Variants in CTNNA2 observed in about 807,000 individuals in gnomAD.
CTNNA2 encodes catenin alpha-2.
Under a neutral mutation model 101.0 loss-of-function variants are expected in CTNNA2, and 42 were observed. That is an observed-to-expected ratio of 0.42 (90% CI 0.32 to 0.54). The LOEUF is 0.54. Ranked by LOEUF, CTNNA2 falls within the 20% of genes least tolerant of loss-of-function variation. The pLI is 0.14. For synonymous variants in CTNNA2, 450 were observed against 456.4 expected (o/e 0.99, Z 0.18); for missense variants, 871 against 1,223.1 (o/e 0.71, Z 4.29).
intron 4 of CTNNA2, among the ~76,000 whole-genome samples, chr2:79,472,395 C>G (rs1264483252): frequency 1.3e-5 from 2 of 152,146 alleles, no homozygotes; most frequent in Non-Finnish European, 2.9e-5. Context: ...TCCACCTGGC[C>G]TTTTGTAAGA....
At chr2:79,318,128 TA>T (rs1676538563) in intron 3 of CTNNA2, among the ~76,000 whole-genome samples, 1 of 152,256 alleles carries the variant, frequency 6.6e-6, no homozygotes, top group Non-Finnish European at 1.5e-5. Flanking sequence ...CTACCAAATA[TA>T]AATACTTCGA....
chr2:79,740,830 G>GT (rs10635044), intron 2 of CTNNA2, among the ~76,000 whole-genome samples: 8,759 of 148,272 alleles, frequency 0.059, 406 homozygotes, highest in African/African-American at 0.12. Context: ...ATTTGAAGAA[G>GT]TTTTTTTTTT....
chr2:79,388,186 G>A (rs1345164933), intron 4 of CTNNA2, among the ~76,000 whole-genome samples: 4 of 152,160 alleles, frequency 2.6e-5, no homozygotes, highest in South Asian at 2.1e-4. Context: ...AACAGCAAAG[G>A]TTTATTTGTC....
At chr2:79,447,722 T>C (rs1292367861) in intron 4 of CTNNA2, among the ~76,000 whole-genome samples, 1 of 152,032 alleles carries the variant, frequency 6.6e-6, no homozygotes, top group African/African-American at 2.4e-5. Flanking sequence ...GCTGGGTTTC[T>C]CTCAGGGTTG....
intron 3 of CTNNA2, among the ~76,000 whole-genome samples, chr2:79,764,608 AT>A (rs1338807335): frequency 6.6e-6 from 1 of 152,210 alleles, no homozygotes; most frequent in Admixed American, 6.5e-5. Context: ...GCATTCCTTG[AT>A]AAGTTTGAGG....
At chr2:79,236,366 C>G (rs1369716071) in intron 2 of CTNNA2, among the ~76,000 whole-genome samples, 2 of 152,190 alleles carry the variant, frequency 1.3e-5, no homozygotes, top group South Asian at 4.1e-4. Flanking sequence ...ATCCTTGTCT[C>G]AAGCAATCCT....
chr2:79,721,055 A>ATT (rs11290241), intron 2 of CTNNA2, among the ~76,000 whole-genome samples: 35 of 141,846 alleles, frequency 2.5e-4, no homozygotes, highest in African/African-American at 6.5e-4. Context: ...GAAAAGTATG[A>ATT]TTTTTTTTTT....
At chr2:80,643,637 G>A (rs1211172691) in intron 18 of CTNNA2, among the ~76,000 whole-genome samples, 1 of 152,114 alleles carries the variant, frequency 6.6e-6, no homozygotes, top group Non-Finnish European at 1.5e-5. Context: ...GGGCTGAGAG[G>A]TGGTTGATTT....
intron 7 of CTNNA2, among the ~76,000 whole-genome samples, chr2:79,938,312 A>G (rs1040837131): frequency 6.6e-6 from 1 of 152,166 alleles, no homozygotes; most frequent in Non-Finnish European, 1.5e-5. Context: ...TCATTATATG[A>G]TTTTTTCACA....
intron 3 of CTNNA2, among the ~76,000 whole-genome samples, chr2:79,803,851 G>T (rs777005225): frequency 2.0e-5 from 3 of 152,208 alleles, no homozygotes; most frequent in Non-Finnish European, 4.4e-5. Context: ...AGATGCAAAA[G>T]AAAACACTCT....
chr2:80,046,165 G>A (rs1696507585), intron 7 of CTNNA2, among the ~76,000 whole-genome samples: 1 of 152,178 alleles, frequency 6.6e-6, no homozygotes, highest in African/African-American at 2.4e-5. Context: ...TGTAAAGACA[G>A]TGATAACACA....
intron 3 of CTNNA2, among the ~76,000 whole-genome samples, chr2:79,809,895 T>G (rs2105331566): frequency 6.6e-6 from 1 of 152,292 alleles, no homozygotes; most frequent in East Asian, 1.9e-4. Flanking sequence ...CTAGGTTTTC[T>G]TCTTGTGTTT....
intron 15 of CTNNA2, among the ~76,000 whole-genome samples, chr2:80,589,860 CTGTGTGTG>C (rs59206973): frequency 0.039 from 5,499 of 140,566 alleles, 181 homozygotes; most frequent in African/African-American, 0.089. Context: ...ATATGTACCT[CTGTGTGTG>C]TGTGTGTGTG....
rs180834304 is a variant in CTNNA2, at chr2:80,098,582, T to G, written c.1056+188785T>G. Among the ~76,000 whole-genome samples the G allele has an allele frequency of 3.1e-3, 470 of 152,298 alleles. 4 individuals are homozygous for G. The highest frequency in any genetic ancestry group is 0.014 in the Middle Eastern group (4 of 294). On this transcript the variant is annotated intron_variant, in intron 7 of 18. Transcript: ENST00000402739. ...GCAGAGGTTACTGCTGCCTTTTGTTTGTCTGTGCCCTGCCCTCAGAGGTGG... is the reference window on the plus strand; with the variant it reads ...GCAGAGGTTACTGCTGCCTTTTGTTGGTCTGTGCCCTGCCCTCAGAGGTGG...
At chr2:80,106,056 G>A (rs1253183612) in intron 7 of CTNNA2, among the ~76,000 whole-genome samples, 1 of 152,228 alleles carries the variant, frequency 6.6e-6, no homozygotes, top group African/African-American at 2.4e-5. Flanking sequence ...GGATACCGGG[G>A]ATAGGTCCCA....
chr2:79,604,368 T>C (rs1305825906), intron 1 of CTNNA2, among the ~76,000 whole-genome samples: 1 of 152,210 alleles, frequency 6.6e-6, no homozygotes, highest in Non-Finnish European at 1.5e-5. Context: ...TACAGTGATC[T>C]TTGAGAGATG....
chr2:79,604,421 G>A (rs973396193), intron 1 of CTNNA2, among the ~76,000 whole-genome samples: 30 of 152,108 alleles, frequency 2.0e-4, no homozygotes, highest in African/African-American at 7.0e-4. Context: ...GGGAGTTTTC[G>A]GGGAACACCA....
intron 1 of CTNNA2, among the ~76,000 whole-genome samples, chr2:79,551,770 TGGACGGAGAA>T (rs1674115584): frequency 6.6e-6 from 1 of 152,128 alleles, no homozygotes; most frequent in Admixed American, 6.5e-5. Context: ...ACATCTTACA[TGGACGGAGAA>T]GGAGGAAGAA....
rs190966677 is a variant in CTNNA2 at position 80,212,746 on chromosome 2, C to G, written c.1057-180465C>G. Among the ~76,000 whole-genome samples the G allele has an allele frequency of 5.3e-4, 81 of 152,216 alleles. 2 individuals are homozygous for G. The East Asian group carries it at 0.014, about 26-fold the overall frequency. The stretch of plus-strand genomic sequence containing the variant: ...TGCTGGCCTCATAGAATGAGTTAGG[C>G]AGGATTCCCTCTTTTTCTATTGATT... On this transcript the variant is annotated intron_variant, in intron 7 of 18. Transcript: ENST00000402739.
Sources: gnomAD v4.1 joint callset for allele counts (sites outside exome capture counted in the v4.1 genomes callset) on GRCh38, gnomAD v4.1.1 for gene constraint, MANE v1.5 for transcripts, NCBI Gene and HGNC (gene_info 2026-07-23, HGNC 2026-07-21) for gene names.